The following C1QTNF2 variants were observed in gnomAD, a reference collection of about 807,000 sequenced individuals.
C1QTNF2 encodes complement C1q tumor necrosis factor-related protein 2.
A neutral mutation model predicts 17.4 loss-of-function variants in C1QTNF2; 15 were observed. That is an observed-to-expected ratio of 0.86 (90% CI 0.58 to 1.33). C1QTNF2 has a LOEUF of 1.33. Among genes scored for constraint, C1QTNF2 ranks in the 40% most tolerant of loss-of-function variants. C1QTNF2 has a pLI of 0.00. For missense variants in C1QTNF2, 381 were observed against 392.3 expected (o/e 0.97, Z 0.24); for synonymous variants, 154 against 163.3 (o/e 0.94, Z 0.44).
intron 2 of C1QTNF2, among the ~76,000 whole-genome samples, 184 bp downstream of exon 2, chr5:160,354,584 G>GAAAAA (rs200801719): frequency 4.0e-4 from 11 of 27,444 alleles, no homozygotes; most frequent in African/African-American, 1.7e-3. Flanking sequence ...GTCTCAAGGG[G>GAAAAA]AAAAAAAAAA....
chr5:160,365,693 T>C (rs1229039620), intron 1 of C1QTNF2, among the ~76,000 whole-genome samples: 1 of 152,204 alleles, frequency 6.6e-6, no homozygotes, highest in African/African-American at 2.4e-5. Context: ...TTATTTAATC[T>C]CTCTAGGCCT....
chr5:160,358,617 T>C (rs1189350338), intron 1 of C1QTNF2, among the ~76,000 whole-genome samples: 1 of 151,904 alleles, frequency 6.6e-6, no homozygotes, highest in African/African-American at 2.4e-5. Flanking sequence ...TACAGGAGTG[T>C]GCCACCACTC....
At chr5:160,353,788 CTTTTTTTTTTT>C (rs200777932) in intron 2 of C1QTNF2, among the ~76,000 whole-genome samples, 50 of 85,972 alleles carry the variant, frequency 5.8e-4, no homozygotes, top group African/African-American at 2.0e-3. Context: ...ACTTCTCAGG[CTTTTTTTTTTT>C]TTTTTTTTTT....
chr5:160,361,080 T>C (rs1237648814), intron 1 of C1QTNF2, among the ~76,000 whole-genome samples: 1 of 152,180 alleles, frequency 6.6e-6, no homozygotes, highest in East Asian at 1.9e-4. Flanking sequence ...TGTGAGCCAC[T>C]GTAGCTGGCT....
At chr5:160,370,107 A>G (rs528052134) in intron 1 of C1QTNF2, among the ~76,000 whole-genome samples, 1 of 152,352 alleles carries the variant, frequency 6.6e-6, no homozygotes, top group South Asian at 2.1e-4. Flanking sequence ...CTAGCTGTGC[A>G]ACCCTGTCCA....
intron 1 of C1QTNF2, among the ~76,000 whole-genome samples, chr5:160,360,336 G>A (rs1048352874): frequency 2.0e-5 from 3 of 152,198 alleles, no homozygotes; most frequent in Non-Finnish European, 4.4e-5. Context: ...TGTTGGAGAC[G>A]CAGACTCTGC....
intron 1 of C1QTNF2, among the ~76,000 whole-genome samples, chr5:160,367,021 C>CAAAAAAA (rs71285021): frequency 1.1e-5 from 1 of 87,320 alleles, no homozygotes; most frequent in Non-Finnish European, 2.4e-5. Flanking sequence ...AAGACATTGT[C>CAAAAAAA]AAAAAAAAAA....
chr5:160,355,325 G>T, intron 1 of C1QTNF2: 1 of 745,936 alleles, frequency 1.3e-6, no homozygotes, highest in Non-Finnish European at 1.6e-6. Context: ...ATGACCCAGA[G>T]ACTGATGACT....
In C1QTNF2 at chr5:160,354,597, A is replaced by ATATATATAT. The variant is rs769774870; in HGVS notation, c.244+170_244+171insATATATATA. Among the ~76,000 whole-genome samples the ATATATATAT allele has an allele frequency of 6.5e-4, 58 of 89,224 alleles. 1 individual carries two copies. The highest frequency in any genetic ancestry group is 1.1e-3 in the African/African-American group (22 of 20,710). The allele number at this position is 89,224 out of a possible 152,430, so 58.5% of individuals were successfully genotyped here. On this transcript the variant is annotated intron_variant, in intron 2 of 2. Coordinates refer to ENST00000652664, the MANE Select transcript of C1QTNF2 (RefSeq NM_031908.6). The stretch of plus-strand genomic sequence containing the variant: ...CTGTCTCAAGGGGAAAAAAAAAAAA[A>ATATATATAT]GTATATATATATATATATATATATA...
At position 160,348,894 on chromosome 5, in the gene C1QTNF2, G is replaced by C. The variant is rs375925323; in HGVS notation, c.*274C>G. The C allele has an allele frequency of 1.1e-4, 43 of 396,684 alleles. No individual in the cohort carries two copies. Among genetic ancestry groups the C allele is most frequent in the East Asian group, 1.0e-3 (26 of 25,456 alleles). The allele number at this position is 396,684 out of a possible 1,614,324, so 24.6% of individuals were successfully genotyped here. On this transcript the variant is annotated 3_prime_UTR_variant, in exon 3 of 3. Transcript: ENST00000652664. ...CCTGCTAGAATGTAAGCTGCATGAG[G>C]ACAGATACTCTGTCTTGTCCACTGC...
intron 1 of C1QTNF2, among the ~76,000 whole-genome samples, chr5:160,361,236 G>A (rs537730439): frequency 6.6e-6 from 1 of 152,340 alleles, no homozygotes; most frequent in South Asian, 2.1e-4. Flanking sequence ...TCTACTGTCA[G>A]GGAAGTCTTC....
intron 1 of C1QTNF2, among the ~76,000 whole-genome samples, chr5:160,362,356 G>C (rs570773886): frequency 6.6e-6 from 1 of 152,228 alleles, no homozygotes; most frequent in Non-Finnish European, 1.5e-5. Context: ...TGGCACCACA[G>C]TTCCGGGAAA....
At chr5:160,361,085 C>T (rs1199758847) in intron 1 of C1QTNF2, among the ~76,000 whole-genome samples, 2 of 152,200 alleles carry the variant, frequency 1.3e-5, no homozygotes, top group Non-Finnish European at 2.9e-5. Flanking sequence ...GCCACTGTAG[C>T]TGGCTGAACT....
At position 160,349,158 on chromosome 5, in the gene C1QTNF2, C is replaced by G; in HGVS notation, c.*10G>C. 1 of 1,600,460 alleles carries G rather than the reference C, an allele frequency of 6.2e-7. No homozygotes were observed. The highest frequency in any genetic ancestry group is 2.2e-5 in the East Asian group (1 of 44,654). On this transcript the variant is annotated 3_prime_UTR_variant, in exon 3 of 3. Coordinates refer to ENST00000652664, the MANE Select transcript of C1QTNF2 (RefSeq NM_031908.6). This position sits in a 1 kb window ranked among gnomAD's most constrained non-coding sequence, Gnocchi z 4.3. ...GCTTGTTCCCTGCCTGGAGGACCGC[C>G]GTGGCATGTCTATACCTCGTTGGGG... is the stretch of plus-strand genomic sequence containing the variant.
At chr5:160,361,515 T>C (rs1195469422) in intron 1 of C1QTNF2, among the ~76,000 whole-genome samples, 2 of 152,204 alleles carry the variant, frequency 1.3e-5, no homozygotes, top group East Asian at 3.8e-4. Context: ...CACTGACAGA[T>C]AGGAGTGGCA....
chr5:160,358,149 A>C (rs1263941677), intron 1 of C1QTNF2, among the ~76,000 whole-genome samples: 2 of 152,244 alleles, frequency 1.3e-5, no homozygotes, highest in African/African-American at 2.4e-5. Context: ...CGTTTTCTGA[A>C]CTGGAGCCTG....
intron 2 of C1QTNF2, among the ~76,000 whole-genome samples, chr5:160,352,582 A>G (rs1414791990): frequency 6.6e-6 from 1 of 152,162 alleles, no homozygotes; most frequent in Non-Finnish European, 1.5e-5. Flanking sequence ...AGCTTTATCT[A>G]TTTGGGGAAG....
intron 2 of C1QTNF2, among the ~76,000 whole-genome samples, chr5:160,353,422 GC>G (rs935756590): frequency 6.6e-6 from 1 of 152,042 alleles, no homozygotes; most frequent in African/African-American, 2.4e-5. Context: ...TTGGGGAGTT[GC>G]CCTTCACCAT....
Position 160,349,451 on chromosome 5 carries a change from G to A in C1QTNF2, c.575C>T (p.Pro192Leu). Residue 192 changes from proline (P) to leucine (L), a missense_variant, in exon 3 of 3, where the codon CCT becomes CTT. Transcript: ENST00000652664. This position sits in a 1 kb window ranked among gnomAD's most constrained non-coding sequence, Gnocchi z 4.3. Reference sequence around the variant, plus strand: ...GTCGTAGGTGAAGTAGTAGATCCCAGGCACGCCGCAGACGAACTTGCCGCT... The same window carrying A: ...GTCGTAGGTGAAGTAGTAGATCCCAAGCACGCCGCAGACGAACTTGCCGCT... ...ASSGKFVCGVPGIYYFTYDIT... is the reference protein window; with the variant it reads ...ASSGKFVCGVLGIYYFTYDIT... 1.2e-6 allele frequency: 2 copies of A among 1,614,066 alleles called. No homozygotes were observed. The highest frequency in any genetic ancestry group is 1.1e-5 in the South Asian group (1 of 91,086).
Sources: gnomAD v4.1 joint callset for allele counts (sites outside exome capture counted in the v4.1 genomes callset) on GRCh38, gnomAD v4.1.1 for gene constraint, Gnocchi (gnomAD v3.1) non-coding constraint, MANE v1.5 for transcripts, NCBI Gene and HGNC (gene_info 2026-07-23, HGNC 2026-07-21) for gene names.